Variants in VTI1A observed in about 807,000 individuals in gnomAD.
VTI1A encodes vesicle transport through interaction with t-SNAREs 1A, also known as vesicle transport through interaction with t-SNAREs homolog 1A.
Under a neutral mutation model 34.9 loss-of-function variants are expected in VTI1A, and 22 were observed. The ratio of observed to expected loss-of-function variants is 0.63; its 90% CI spans 0.45 to 0.90. The LOEUF (loss-of-function observed/expected upper bound fraction) is 0.90. VTI1A is among the 40% of genes least tolerant of loss of function. The pLI is 0.00. For synonymous variants in VTI1A, 87 were observed against 97.3 expected, an observed-to-expected ratio of 0.89 and a Z score of 0.62; for missense variants, 268 against 275.6, an observed-to-expected ratio of 0.97 and a Z score of 0.20.
chr10:112,497,019 A>G (rs1849050547), intron 3 of VTI1A, among the ~76,000 whole-genome samples: 1 of 152,152 alleles, frequency 6.6e-6, no homozygotes, highest in Non-Finnish European at 1.5e-5. Context: ...TAGATTGATT[A>G]TTATAAAGTG....
the VTI1A span, among the ~76,000 whole-genome samples, chr10:112,842,935 G>C: frequency 6.6e-6 from 1 of 152,164 alleles, no homozygotes. Flanking sequence ...CACTGGAAAG[G>C]CTGGGGAAAC....
At chr10:112,668,554 A>G (rs1233911901) in intron 6 of VTI1A, among the ~76,000 whole-genome samples, 1 of 152,134 alleles carries the variant, frequency 6.6e-6, no homozygotes, top group African/African-American at 2.4e-5. Context: ...GAGTATGTTC[A>G]TCTTTTAGAG....
chr10:112,682,624 G>T (rs895319331), intron 7 of VTI1A, among the ~76,000 whole-genome samples: 1 of 152,166 alleles, frequency 6.6e-6, no homozygotes, highest in African/African-American at 2.4e-5. Flanking sequence ...CTTTTGCTAA[G>T]CCTGGTAGAC....
intron 7 of VTI1A, among the ~76,000 whole-genome samples, chr10:112,781,921 C>A (rs1852142714): frequency 6.6e-6 from 1 of 152,066 alleles, no homozygotes. Flanking sequence ...CCCAATTCTG[C>A]CTCCTCCTCC....
In VTI1A at chr10:112,692,798, T is replaced by C. The variant is rs572856655; in HGVS notation, c.560+23800T>C. Among the ~76,000 whole-genome samples the C allele has an allele frequency of 2.6e-5, 4 of 152,318 alleles. No individual in the cohort carries two copies. The East Asian group carries it at 7.7e-4, about 29-fold the overall frequency. On this transcript the variant is annotated intron_variant, in intron 7 of 7. Transcript: ENST00000393077. ...CGTGTTGCCTAAAATCAGCTCTCGT[T>C]TCTCCAGTGGTCTGCACACATCACA...
rs1847699867 is a variant in VTI1A, at chr10:112,460,631, G to A, written c.153+49G>A. Reference sequence around the variant, plus strand: ...TTAACACACAGCCAGAGCCGTTTAAGCTAATGTCTTCCTCTAGCCTGTTTT... The same window carrying A: ...TTAACACACAGCCAGAGCCGTTTAAACTAATGTCTTCCTCTAGCCTGTTTT... On this transcript the variant is annotated intron_variant, in intron 2 of 7. Transcript: ENST00000393077. The A allele has an allele frequency of 2.1e-6, 3 of 1,456,116 alleles. No individual in the cohort carries two copies. The Admixed American group carries it at 6.7e-5, about 32-fold the overall frequency. 90.2% of individuals were successfully genotyped at this position (1,456,116 alleles called of 1,614,324 possible). A position where few individuals can be genotyped will look rare whatever the true frequency, so the allele number is the denominator to read the frequency against.
chr10:112,642,655 G>A (rs1365562234), intron 5 of VTI1A, among the ~76,000 whole-genome samples: 1 of 152,092 alleles, frequency 6.6e-6, no homozygotes, highest in African/African-American at 2.4e-5. Context: ...ATTACCATTT[G>A]TGAGGCATTG....
In VTI1A at chr10:112,817,789, T is replaced by C. The variant is rs954800694; in HGVS notation, c.*2406T>C. 4 of 231,774 alleles carry C rather than the reference T, an allele frequency of 1.7e-5. No homozygotes were observed. Among genetic ancestry groups the C allele is most frequent in the Non-Finnish European group, 3.4e-5 (4 of 117,080 alleles). The allele number at this position is 231,774 out of a possible 1,614,324, so 14.4% of individuals were successfully genotyped here. On this transcript the variant is annotated 3_prime_UTR_variant, in exon 8 of 8. Coordinates refer to ENST00000393077, the MANE Select transcript of VTI1A (RefSeq NM_145206.4). ...TGTGAGAGGTTCTAGGTACTTAGTG[T>C]GTAGACTTTGACGAATATTTCTCAA...
At chr10:112,853,833 G>C in the VTI1A span, among the ~76,000 whole-genome samples, 2 of 152,208 alleles carry the variant, frequency 1.3e-5, no homozygotes, top group Admixed American at 6.5e-5. Flanking sequence ...ACACAGCAAA[G>C]CTGCTACACT....
chr10:112,595,886 A>G (rs1356402724), intron 5 of VTI1A, among the ~76,000 whole-genome samples: 1 of 152,214 alleles, frequency 6.6e-6, no homozygotes, highest in Non-Finnish European at 1.5e-5. Flanking sequence ...GGCACTATTC[A>G]CAATAGGAAA....
At chr10:112,479,336 C>A (rs893145128) in intron 3 of VTI1A, among the ~76,000 whole-genome samples, 1 of 152,168 alleles carries the variant, frequency 6.6e-6, no homozygotes, top group Non-Finnish European at 1.5e-5. Flanking sequence ...ACCTCAGAAC[C>A]AAGGACTTTC....
chr10:112,779,382 C>G (rs1852047270), intron 7 of VTI1A, among the ~76,000 whole-genome samples: 1 of 152,204 alleles, frequency 6.6e-6, no homozygotes, highest in Non-Finnish European at 1.5e-5. Flanking sequence ...TAGATTTTGA[C>G]ACAGAGATAA....
intron 7 of VTI1A, among the ~76,000 whole-genome samples, chr10:112,724,777 C>G (rs924301964): frequency 6.5e-4 from 89 of 136,804 alleles, no homozygotes; most frequent in Non-Finnish European, 1.1e-3. Context: ...CCCCATCCCC[C>G]CTTTTTTTGA....
At chr10:112,453,839 T>G (rs574577703) in intron 1 of VTI1A, among the ~76,000 whole-genome samples, 136 of 152,270 alleles carry the variant, frequency 8.9e-4, no homozygotes, top group Middle Eastern at 3.4e-3. Context: ...GGTGTGCACA[T>G]TACTCCCGGG....
intron 5 of VTI1A, among the ~76,000 whole-genome samples, chr10:112,563,092 G>A (rs1423927667): frequency 1.3e-5 from 2 of 152,102 alleles, no homozygotes; most frequent in Admixed American, 6.6e-5. Context: ...CTCTCTAAAT[G>A]TGCTAATTCC....
intron 7 of VTI1A, among the ~76,000 whole-genome samples, chr10:112,682,635 T>G (rs1848254383): frequency 1.3e-5 from 2 of 152,224 alleles, no homozygotes; most frequent in Admixed American, 6.5e-5. Flanking sequence ...CCTGGTAGAC[T>G]GAGAGAGAAG....
At chr10:112,679,764 G>GA (rs60672461) in intron 7 of VTI1A, among the ~76,000 whole-genome samples, 175 of 138,252 alleles carry the variant, frequency 1.3e-3, no homozygotes, top group South Asian at 4.1e-3. Context: ...GTGATGAGGG[G>GA]AAAAAAAAAA....
chr10:112,843,342 A>G, the VTI1A span, among the ~76,000 whole-genome samples: 2 of 152,248 alleles, frequency 1.3e-5, no homozygotes, highest in African/African-American at 4.8e-5. Context: ...TTTTATCTGA[A>G]GGGCCAGCTC....
chr10:112,832,199 AT>A, the VTI1A span: 22,121 of 152,118 alleles, frequency 0.15, 1,755 homozygotes, highest in African/African-American at 0.2. Context: ...GAGGGGGTGT[AT>A]TTTGATGTAG....
Sources: allele counts gnomAD v4.1 joint callset (sites outside exome capture counted in the v4.1 genomes callset), GRCh38; gene constraint gnomAD v4.1.1; transcripts MANE v1.5; gene names NCBI Gene and HGNC (gene_info 2026-07-23, HGNC 2026-07-21).